Variants in TRMT11 observed in about 807,000 individuals in gnomAD.
The protein encoded by TRMT11 is tRNA methyltransferase 11.
A neutral mutation model predicts 62.8 loss-of-function variants in TRMT11; 53 were observed. The observed-to-expected ratio is 0.84, with a 90% CI of 0.68 to 1.06. The LOEUF (loss-of-function observed/expected upper bound fraction) is 1.06, where lower values mean the gene tolerates loss of function less well. TRMT11 is among the 50% of genes least tolerant of loss of function. TRMT11 has a pLI of 0.00. For missense variants in TRMT11, 556 were observed against 553.4 expected (o/e 1.00, Z -0.05); for synonymous variants, 188 against 190.3 (o/e 0.99, Z 0.10).
the TRMT11 span, among the ~76,000 whole-genome samples, chr6:126,262,761 G>A: frequency 6.6e-6 from 1 of 152,190 alleles, no homozygotes; most frequent in African/African-American, 2.4e-5. Context: ...CCTGTAAGAA[G>A]CTACCCTGAC....
chr6:125,998,004 T>C, intron 3 of TRMT11, 49 bp from the exon 4 acceptor site: 1 of 1,277,426 alleles, frequency 7.8e-7, no homozygotes. Flanking sequence ...TGTATTCCTG[T>C]GTGAACTAAG....
At chr6:126,113,154 A>C (rs932506118) in intron 18 of TRMT11, among the ~76,000 whole-genome samples, 5 of 152,004 alleles carry the variant, frequency 3.3e-5, no homozygotes, top group African/African-American at 1.2e-4. Flanking sequence ...AGTATAAACA[A>C]AGTGGTTTGA....
rs139721848 is a variant in TRMT11, at chr6:126,082,191, G to A, written c.*1437+29001G>A. On this transcript the variant is annotated intron_variant and NMD_transcript_variant, in intron 17 of 22. Transcript: ENST00000648977. ...TAGAGACGGTCTTGCATATTATGCC[G>A]ATACCACCGAAAGTGGACAGCTCCA... 2.7e-3 allele frequency among the ~76,000 whole-genome samples: 404 copies of A among 152,126 alleles called. 1 individual carries two copies. The highest frequency in any genetic ancestry group is 9.4e-3 in the African/African-American group (390 of 41,518).
chr6:126,035,783 C>T (rs923466395), intron 12 of TRMT11, among the ~76,000 whole-genome samples: 4 of 152,084 alleles, frequency 2.6e-5, no homozygotes, highest in African/African-American at 9.7e-5. Context: ...CAGGCTTTTG[C>T]TGTTCATTCC....
chr6:126,061,872 C>T (rs1410523156), intron 17 of TRMT11, among the ~76,000 whole-genome samples: 1 of 152,116 alleles, frequency 6.6e-6, no homozygotes, highest in Non-Finnish European at 1.5e-5. Context: ...TTCCTTTATG[C>T]TAGCCTATAT....
chr6:126,257,899 C>T, the TRMT11 span: 1 of 1,461,520 alleles, frequency 6.8e-7, no homozygotes, highest in African/African-American at 1.4e-5. Context: ...CCTGAGCCAC[C>T]ATTCACCTGG....
chr6:126,089,994 A>AT (rs1425652062), intron 17 of TRMT11, among the ~76,000 whole-genome samples: 1 of 152,158 alleles, frequency 6.6e-6, no homozygotes, highest in Non-Finnish European at 1.5e-5. Context: ...TGCCTCTGTG[A>AT]TGTGCACATG....
At position 126,051,134 on chromosome 6, in the gene TRMT11, A is replaced by G. The variant is rs566014254; in HGVS notation, c.*1370-1989A>G. On this transcript the variant is annotated intron_variant and NMD_transcript_variant, in intron 16 of 22. Transcript: ENST00000648977. Reference sequence around the variant, plus strand: ...GGGTTTAATAACTGTATTGTGAGATATATTATTTATACCAAAGAGTGCATA... The same window carrying G: ...GGGTTTAATAACTGTATTGTGAGATGTATTATTTATACCAAAGAGTGCATA... Among the ~76,000 whole-genome samples, 244 of 152,312 alleles carry G rather than the reference A, an allele frequency of 1.6e-3. 2 individuals carry two copies. Among genetic ancestry groups the G allele is most frequent in the South Asian group, 5.6e-3 (27 of 4,822 alleles).
the TRMT11 span, among the ~76,000 whole-genome samples, chr6:126,269,385 A>G: frequency 2.0e-5 from 3 of 152,184 alleles, no homozygotes; most frequent in African/African-American, 7.2e-5. Context: ...AAGACATACC[A>G]AATACACACA....
chr6:126,084,006 G>A (rs1265206388), intron 17 of TRMT11, among the ~76,000 whole-genome samples: 1 of 152,112 alleles, frequency 6.6e-6, no homozygotes, highest in Non-Finnish European at 1.5e-5. Context: ...CAGATACTTA[G>A]GTTGTTTCCA....
chr6:126,104,795 C>G (rs962948899), intron 17 of TRMT11, among the ~76,000 whole-genome samples: 2 of 152,090 alleles, frequency 1.3e-5, no homozygotes, highest in Admixed American at 6.5e-5. Flanking sequence ...GTTTAAAGAC[C>G]TTAATCTTCA....
At chr6:126,002,192 T>A (rs1180247306) in intron 7 of TRMT11, among the ~76,000 whole-genome samples, 1 of 152,200 alleles carries the variant, frequency 6.6e-6, no homozygotes, top group Non-Finnish European at 1.5e-5. Context: ...TATATGCATA[T>A]ATACACAATA....
intron 1 of TRMT11, among the ~76,000 whole-genome samples, chr6:125,989,161 G>A (rs965874651): frequency 6.8e-5 from 9 of 132,610 alleles, no homozygotes; most frequent in Non-Finnish European, 1.1e-4. Flanking sequence ...ACGGAGTCTC[G>A]CTCTGTTGCC....
At chr6:126,089,739 A>C (rs1434485860) in intron 17 of TRMT11, among the ~76,000 whole-genome samples, 1 of 152,246 alleles carries the variant, frequency 6.6e-6, no homozygotes, top group East Asian at 1.9e-4. Flanking sequence ...ACTGTAAGTC[A>C]TTAGGAATTT....
chr6:126,221,433 T>G, the TRMT11 span, among the ~76,000 whole-genome samples: 1 of 152,200 alleles, frequency 6.6e-6, no homozygotes, highest in Admixed American at 6.5e-5. Flanking sequence ...ATTATTTAAC[T>G]TTTTAATTCT....
At chr6:126,234,154 C>T in the TRMT11 span, among the ~76,000 whole-genome samples, 2 of 152,030 alleles carry the variant, frequency 1.3e-5, no homozygotes, top group Non-Finnish European at 2.9e-5. Flanking sequence ...AAAAAAGCAC[C>T]TTTGTCTTTA....
chr6:126,021,278 G>T lies in TRMT11; in HGVS notation c.1258G>T (p.Glu420Ter). Residue 420 changes from glutamate to a stop codon, truncating the protein, a stop_gained and splice_region_variant, in exon 12 of 13, where the codon GAG becomes TAG. Transcript: ENST00000334379. LOFTEE classifies it high-confidence loss of function. Reference protein sequence around the residue: ...LITMEKVKKFENRDQYSHLLS... With the variant: ...LITMEKVKKF The stretch of plus-strand genomic sequence containing the variant: ...CACAATGGAAAAGGTGAAGAAATTT[G>T]AGGTAAATTGCTTCAGTATTTTTGG... 1.9e-6 allele frequency: 3 copies of T among 1,613,452 alleles called. No individual in the cohort carries two copies. Among genetic ancestry groups the T allele is most frequent in the Non-Finnish European group, 2.5e-6 (3 of 1,179,466 alleles).
intron 17 of TRMT11, among the ~76,000 whole-genome samples, chr6:126,065,474 T>C (rs903798465): frequency 6.6e-6 from 1 of 152,178 alleles, no homozygotes; most frequent in Non-Finnish European, 1.5e-5. Context: ...CAAAACCTTA[T>C]AACCTACACT....
chr6:125,987,313 C>T (rs902899536), intron 1 of TRMT11: 3 of 152,014 alleles, frequency 2.0e-5, no homozygotes, highest in Admixed American at 2.0e-4. Context: ...GGAGATGACA[C>T]TTGAAATAAA....
Sources: gnomAD v4.1 joint callset for allele counts (sites outside exome capture counted in the v4.1 genomes callset) on GRCh38, gnomAD v4.1.1 for gene constraint, MANE v1.5 for transcripts, NCBI Gene and HGNC (gene_info 2026-07-23, HGNC 2026-07-21) for gene names.